PLD5: variants seen among roughly 807,000 people sequenced by gnomAD.
PLD5 encodes the protein phospholipase D family member 5.
PLD5 carries 36 observed loss-of-function variants against 61.1 expected under a neutral mutation model. The ratio of observed to expected loss-of-function variants is 0.59; its 90% CI spans 0.45 to 0.78. The LOEUF (loss-of-function observed/expected upper bound fraction) is 0.78. Ranked by LOEUF, PLD5 falls within the 30% of genes least tolerant of loss-of-function variation. The probability of loss-of-function intolerance (pLI) is 0.00; values close to 1 mark genes in which losing one functional copy is unlikely to be tolerated. For missense variants in PLD5, 515 were observed against 644.4 expected (o/e 0.80, Z 2.17); for synonymous variants, 243 against 242.8 (o/e 1.00, Z -0.01).
intron 3 of PLD5, among the ~76,000 whole-genome samples, chr1:242,287,351 A>C (rs1675084669): frequency 6.6e-6 from 1 of 152,150 alleles, no homozygotes; most frequent in Non-Finnish European, 1.5e-5. Flanking sequence ...AAACCACTAT[A>C]TTTTAGGAGA....
At chr1:242,352,906 A>T (rs901398047) in intron 1 of PLD5, among the ~76,000 whole-genome samples, 2 of 152,138 alleles carry the variant, frequency 1.3e-5, no homozygotes, top group Non-Finnish European at 2.9e-5. Flanking sequence ...TTCTTCCCAT[A>T]GAGTTGAGTT....
chr1:242,418,463 G>A (rs1395667217), intron 1 of PLD5, among the ~76,000 whole-genome samples: 1 of 152,108 alleles, frequency 6.6e-6, no homozygotes, highest in Non-Finnish European at 1.5e-5. Context: ...GTATTTACAG[G>A]GAGGTGTTTG....
At chr1:242,426,073 C>CT (rs1342377489) in intron 1 of PLD5, among the ~76,000 whole-genome samples, 2 of 152,060 alleles carry the variant, frequency 1.3e-5, no homozygotes, top group Non-Finnish European at 2.9e-5. Flanking sequence ...GTATCCTATT[C>CT]TTTTTTCTAT....
At chr1:242,262,297 G>A (rs530646013) in intron 4 of PLD5, among the ~76,000 whole-genome samples, 42 of 152,272 alleles carry the variant, frequency 2.8e-4, no homozygotes, top group Non-Finnish European at 5.0e-4. Context: ...TTCCCTCTGC[G>A]GAGGGCACTG....
Position 242,205,611 on chromosome 1 carries a change from C to T in PLD5, c.735+14377G>A, listed in dbSNP as rs541941606. 1.3e-5 allele frequency among the ~76,000 whole-genome samples: 2 copies of T among 152,260 alleles called. 1 individual carries two copies. Among genetic ancestry groups the T allele is most frequent in the Admixed American group, 1.3e-4 (2 of 15,302 alleles). ...TGTTTCCTAAGGAATATTAATTATT[C>T]TCTGTTGTATTTGAAGTTGAATTGC... is the stretch of plus-strand genomic sequence containing the variant. On this transcript the variant is annotated intron_variant, in intron 5 of 9. Transcript: ENST00000536534.
intron 1 of PLD5, among the ~76,000 whole-genome samples, chr1:242,394,299 TATGA>T (rs1663228451): frequency 1.2e-5 from 1 of 85,506 alleles, no homozygotes; most frequent in Non-Finnish European, 2.2e-5. Flanking sequence ...TGAGTATATA[TATGA>T]GTATATATGT....
At chr1:242,267,517 G>A (rs540427793) in intron 3 of PLD5, among the ~76,000 whole-genome samples, 1 of 152,294 alleles carries the variant, frequency 6.6e-6, no homozygotes, top group Non-Finnish European at 1.5e-5. Context: ...CAAAAGCCTG[G>A]AGGAAGCCTC....
chr1:242,359,598 C>T (rs2149234839), intron 1 of PLD5, among the ~76,000 whole-genome samples: 1 of 152,242 alleles, frequency 6.6e-6, no homozygotes, highest in East Asian at 1.9e-4. Flanking sequence ...CAAGAAACAC[C>T]ACAGTGAACT....
intron 5 of PLD5, among the ~76,000 whole-genome samples, chr1:242,194,903 A>G (rs950400115): frequency 2.6e-5 from 4 of 152,226 alleles, no homozygotes; most frequent in Non-Finnish European, 2.9e-5. Flanking sequence ...GTAAGGGATA[A>G]GAGACTACAA....
intron 1 of PLD5, among the ~76,000 whole-genome samples, chr1:242,388,580 G>A (rs12092911): frequency 0.017 from 2,539 of 152,216 alleles, 80 homozygotes; most frequent in African/African-American, 0.058. Context: ...GGCATAGTAG[G>A]GGAAATATAC....
chr1:242,292,803 C>T lies in PLD5; in HGVS notation c.327-4273G>A, dbSNP rs559631142. Among the ~76,000 whole-genome samples the T allele has an allele frequency of 2.0e-4, 30 of 152,220 alleles. No homozygotes were observed. In the East Asian group the frequency reaches 2.9e-3, roughly 15 times the overall value. ...ACTACTTTGAAAGTGTGGTAGTGAC[C>T]GGATCTTGTCATTTTGTGAATATGT... On this transcript the variant is annotated intron_variant, in intron 2 of 9. Transcript: ENST00000536534.
chr1:242,252,353 C>T lies in PLD5; in HGVS notation c.607+12984G>A, dbSNP rs3001668. 2.0e-5 allele frequency among the ~76,000 whole-genome samples: 3 copies of T among 152,246 alleles called. No homozygotes were observed. In the South Asian group the frequency reaches 6.2e-4, roughly 32 times the overall value. Reference sequence around the variant, plus strand: ...ACAGAAGTAAGGGATCTTACTCACTCATGAGGATAATGAATATTCTCTGTC... The same window carrying T: ...ACAGAAGTAAGGGATCTTACTCACTTATGAGGATAATGAATATTCTCTGTC... On this transcript the variant is annotated intron_variant, in intron 4 of 9. Transcript: ENST00000536534.
chr1:242,153,943 T>C (rs1665142659), intron 5 of PLD5, among the ~76,000 whole-genome samples: 1 of 152,204 alleles, frequency 6.6e-6, no homozygotes, highest in African/African-American at 2.4e-5. Context: ...TTGGGCAGTA[T>C]GGCCATTTTC....
At chr1:242,202,007 G>T (rs1574503920) in intron 5 of PLD5, among the ~76,000 whole-genome samples, 4 of 152,206 alleles carry the variant, frequency 2.6e-5, no homozygotes, top group African/African-American at 9.6e-5. Flanking sequence ...TTGATGTCAG[G>T]AGTTCAAGAC....
intron 1 of PLD5, among the ~76,000 whole-genome samples, chr1:242,522,614 G>C (rs961243331): frequency 3.3e-5 from 5 of 152,194 alleles, no homozygotes; most frequent in Admixed American, 2.6e-4. Context: ...AGGCTAGACT[G>C]TTATCCCTGA....
chr1:242,386,244 A>G (rs934041150), intron 1 of PLD5, among the ~76,000 whole-genome samples: 5 of 152,204 alleles, frequency 3.3e-5, no homozygotes, highest in African/African-American at 1.2e-4. Flanking sequence ...TTGGGGGTAG[A>G]ACTTCAACAT....
rs917277962 is a variant in PLD5 at position 242,083,955 on chromosome 1, T to C, written c.*5899A>G. On this transcript the variant is annotated 3_prime_UTR_variant, in exon 10 of 10. Transcript: ENST00000536534. Reference sequence around the variant, plus strand: ...AGAATGTCTCATCTGCTTTTCAGAATTTTCCGCCCATGGGGAATAGGAGAG... The same window carrying C: ...AGAATGTCTCATCTGCTTTTCAGAACTTTCCGCCCATGGGGAATAGGAGAG... 6.6e-6 allele frequency: 1 copy of C among 152,180 alleles called. No individual in the cohort carries two copies. Among genetic ancestry groups the C allele is most frequent in the Non-Finnish European group, 1.5e-5 (1 of 68,028 alleles). The allele number at this position is 152,180 out of a possible 1,614,324, so 9.4% of individuals were successfully genotyped here.
At chr1:242,134,059 C>G (rs1329442864) in intron 5 of PLD5, among the ~76,000 whole-genome samples, 3 of 152,130 alleles carry the variant, frequency 2.0e-5, no homozygotes, top group Non-Finnish European at 2.9e-5. Context: ...GTATTTGATT[C>G]CCTTTTCAAA....
intron 5 of PLD5, among the ~76,000 whole-genome samples, chr1:242,130,142 C>T (rs1317884923): frequency 1.3e-5 from 2 of 151,734 alleles, no homozygotes; most frequent in Admixed American, 1.3e-4. Flanking sequence ...ACCTCTGCCT[C>T]CCAGGTTCAA....
Sources: gnomAD v4.1 joint callset for allele counts (sites outside exome capture counted in the v4.1 genomes callset) on GRCh38, gnomAD v4.1.1 for gene constraint, MANE v1.5 for transcripts, NCBI Gene and HGNC (gene_info 2026-07-23, HGNC 2026-07-21) for gene names.